NDUFAF5: variants seen among roughly 807,000 people sequenced by gnomAD.
NDUFAF5 encodes NADH:ubiquinone oxidoreductase complex assembly factor 5.
Under a neutral mutation model 48.9 loss-of-function variants are expected in NDUFAF5, and 34 were observed. The ratio of observed to expected loss-of-function variants is 0.70; its 90% CI spans 0.53 to 0.93. The LOEUF (loss-of-function observed/expected upper bound fraction) is 0.93, where lower values mean the gene tolerates loss of function less well. Among genes scored for constraint, NDUFAF5 ranks in the 40% least tolerant of loss-of-function variants. The probability of loss-of-function intolerance (pLI) is 0.00; values close to 1 mark genes in which losing one functional copy is unlikely to be tolerated. For synonymous variants in NDUFAF5, 153 were observed against 150.6 expected (o/e 1.02, Z -0.12); for missense variants, 428 against 427.5 (o/e 1.00, Z -0.01).
intron 8 of NDUFAF5, among the ~76,000 whole-genome samples, chr20:13,809,278 C>T (rs1474578548): frequency 6.6e-6 from 1 of 152,092 alleles, no homozygotes; most frequent in African/African-American, 2.4e-5. Flanking sequence ...AGCTGAGATA[C>T]AGGAATGAAG....
intron 8 of NDUFAF5, among the ~76,000 whole-genome samples, chr20:13,809,642 TA>T (rs918206221): frequency 2.6e-5 from 4 of 152,240 alleles, no homozygotes; most frequent in African/African-American, 9.6e-5. Context: ...GCCCTTATCT[TA>T]AAATGCCCCT....
In NDUFAF5 at chr20:13,785,152, A is replaced by G. The variant is rs1260209160; in HGVS notation, c.84A>G (p.Glu28=). Residue 28 remains glutamate (E), a synonymous_variant, in exon 1 of 11, where the codon GAA becomes GAG. Coordinates refer to ENST00000378106, the MANE Select transcript of NDUFAF5 (RefSeq NM_024120.5). ...RVPAENLGRR[E]VTSGVSPRGS... ...CAGCGGAGAATCTTGGCCGTAGGGA[A>G]GTCACCTCTGGTGTCTCTCCCCGCG... 6.2e-7 allele frequency: 1 copy of G among 1,614,046 alleles called. No homozygotes were observed. Among genetic ancestry groups the G allele is most frequent in the Admixed American group, 1.7e-5 (1 of 60,018 alleles).
intron 1 of NDUFAF5, 171 bp from the exon 2 acceptor site, chr20:13,787,141 A>G (rs753590074): frequency 1.4e-6 from 1 of 698,206 alleles, no homozygotes; most frequent in Non-Finnish European, 2.6e-6. Flanking sequence ...CTTCTGAAAT[A>G]ATTTGCCTCA....
chr20:13,796,698 C>T (rs962450983), intron 5 of NDUFAF5, among the ~76,000 whole-genome samples: 8 of 152,092 alleles, frequency 5.3e-5, no homozygotes, highest in Non-Finnish European at 1.2e-4. Context: ...AAATTCAAGG[C>T]CCGGGCACGG....
rs375461797 is a variant in NDUFAF5 at position 13,785,160 on chromosome 20, C to G, written c.92C>G (p.Ser31Cys). The G allele has an allele frequency of 6.2e-6, 10 of 1,613,900 alleles. No homozygotes were observed. The South Asian group carries it at 8.8e-5, about 14-fold the overall frequency. The change falls in exon 1 of 11, where the codon TCT becomes TGT. Residue 31 changes from serine to cysteine, a missense_variant. Ser to Cys is a moderately radical substitution (Grantham distance 112). Coordinates refer to ENST00000378106, the MANE Select transcript of NDUFAF5 (RefSeq NM_024120.5). ...AATCTTGGCCGTAGGGAAGTCACCTCTGGTGTCTCTCCCCGCGGTAGCACC... is the reference window on the plus strand; with the variant it reads ...AATCTTGGCCGTAGGGAAGTCACCTGTGGTGTCTCTCCCCGCGGTAGCACC... ...AENLGRREVTSGVSPRGSTSP... is the reference protein window; with the variant it reads ...AENLGRREVTCGVSPRGSTSP...
At chr20:13,797,740 G>A (rs1269235194) in intron 5 of NDUFAF5, among the ~76,000 whole-genome samples, 8 of 152,022 alleles carry the variant, frequency 5.3e-5, no homozygotes, top group Admixed American at 5.2e-4. Flanking sequence ...TGGACTTGGG[G>A]GATAATCACT....
chr20:13,819,864 T>C lies in NDUFAF5; in HGVS notation c.*2654T>C, dbSNP rs549139987. On this transcript the variant is annotated 3_prime_UTR_variant, in exon 11 of 11. Coordinates refer to ENST00000378106, the MANE Select transcript of NDUFAF5 (RefSeq NM_024120.5). ...GAGTCATTTCTTCTCTGTTTAGCTA[T>C]AAGATTAGAATTCATACTGAAAGAT... The C allele has an allele frequency of 1.3e-5, 2 of 152,348 alleles. No homozygotes were observed. The highest frequency in any genetic ancestry group is 1.9e-4 in the East Asian group (1 of 5,186). The allele number at this position is 152,348 out of a possible 1,614,324, so 9.4% of individuals were successfully genotyped here.
rs1981679916 is a variant in NDUFAF5, at chr20:13,788,796, A to G, written c.327+144A>G. On this transcript the variant is annotated intron_variant, in intron 3 of 10. Coordinates refer to ENST00000378106, the MANE Select transcript of NDUFAF5 (RefSeq NM_024120.5). Reference sequence around the variant, plus strand: ...TAATTTGTTTTTTTTTTTAAGTGGTAGAATCAATGGTGGTTTTCTCCCTTC... The same window carrying G: ...TAATTTGTTTTTTTTTTTAAGTGGTGGAATCAATGGTGGTTTTCTCCCTTC... 8 of 597,992 alleles carry G rather than the reference A, an allele frequency of 1.3e-5. No homozygotes were observed. In the South Asian group the frequency reaches 1.6e-4, roughly 12 times the overall value. The allele number at this position is 597,992 out of a possible 1,614,324, so 37.0% of individuals were successfully genotyped here. A position where few individuals can be genotyped will look rare whatever the true frequency, so the allele number is the denominator to read the frequency against.
chr20:13,795,644 T>G (rs1358452885), intron 5 of NDUFAF5, among the ~76,000 whole-genome samples: 2 of 152,006 alleles, frequency 1.3e-5, no homozygotes, highest in African/African-American at 4.8e-5. Context: ...CATAATGAAA[T>G]GCCATCTCTA....
At chr20:13,804,275 A>G (rs751955555) in intron 7 of NDUFAF5, among the ~76,000 whole-genome samples, 11 of 152,138 alleles carry the variant, frequency 7.2e-5, no homozygotes, top group South Asian at 2.1e-4. Flanking sequence ...TAAAAAGCCA[A>G]ATAGTATCTT....
At chr20:13,805,893 C>T (rs1030169598) in intron 7 of NDUFAF5, among the ~76,000 whole-genome samples, 1 of 152,074 alleles carries the variant, frequency 6.6e-6, no homozygotes, top group Non-Finnish European at 1.5e-5. Flanking sequence ...CACCACTGCA[C>T]TCCAGCCTGT....
rs752667747 is a variant in NDUFAF5 at position 13,801,661 on chromosome 20, C to T, written c.695C>T (p.Ala232Val). 1 of 1,613,912 alleles carries T rather than the reference C, an allele frequency of 6.2e-7. No individual in the cohort carries two copies. The highest frequency in any genetic ancestry group is 8.5e-7 in the Non-Finnish European group (1 of 1,179,928). Reference sequence around the variant, plus strand: ...GACCTGGGACATCTGCTTGGGAGAGCTGGCTTTAATACTCTGACTGTGGTA... The same window carrying T: ...GACCTGGGACATCTGCTTGGGAGAGTTGGCTTTAATACTCTGACTGTGGTA... Reference protein sequence around the residue: ...VNDLGHLLGRAGFNTLTVDTD... With the variant: ...VNDLGHLLGRVGFNTLTVDTD... Residue 232 changes from alanine (A) to valine (V), a missense_variant, in exon 7 of 11, where the codon GCT (alanine) becomes GTT (valine). Transcript: ENST00000378106.
chr20:13,788,143 A>G (rs1981528262), intron 2 of NDUFAF5, among the ~76,000 whole-genome samples: 1 of 152,148 alleles, frequency 6.6e-6, no homozygotes, highest in South Asian at 2.1e-4. Flanking sequence ...TTAAGTTCTT[A>G]TTTTTTAGTT....
intron 6 of NDUFAF5, among the ~76,000 whole-genome samples, chr20:13,800,843 G>A (rs1256787828): frequency 6.6e-6 from 1 of 152,192 alleles, no homozygotes; most frequent in Non-Finnish European, 1.5e-5. Flanking sequence ...GGAGCTAGCT[G>A]GTTTGGAGGG....
chr20:13,805,394 T>A (rs937858759), intron 7 of NDUFAF5, among the ~76,000 whole-genome samples: 1 of 152,228 alleles, frequency 6.6e-6, no homozygotes, highest in Non-Finnish European at 1.5e-5. Context: ...TTTAACCTGA[T>A]GTTAAAATGT....
At chr20:13,803,264 AC>A (rs1318462069) in intron 7 of NDUFAF5, 1 of 152,204 alleles carries the variant, frequency 6.6e-6, no homozygotes, top group Non-Finnish European at 1.5e-5. Flanking sequence ...CGGAGGCTTC[AC>A]ACCTGTGACT....
chr20:13,807,275 TG>T (rs1228069757), intron 7 of NDUFAF5, among the ~76,000 whole-genome samples: 1 of 152,034 alleles, frequency 6.6e-6, no homozygotes, highest in Non-Finnish European at 1.5e-5. Flanking sequence ...CTCGATCTCC[TG>T]ACCTCATGAT....
At chr20:13,788,734 T>G in intron 3 of NDUFAF5, 82 bp downstream of exon 3, 1 of 885,102 alleles carries the variant, frequency 1.1e-6, no homozygotes, top group East Asian at 2.5e-5. Flanking sequence ...TCAGTTTAGC[T>G]TGCAACATAT....
At chr20:13,814,267 G>A in intron 8 of NDUFAF5, 1 of 377,534 alleles carries the variant, frequency 2.6e-6, no homozygotes, top group South Asian at 2.0e-5. Flanking sequence ...ATGGAGGCAG[G>A]GAGACCGTGG....
Sources: gnomAD v4.1 joint callset for allele counts (sites outside exome capture counted in the v4.1 genomes callset) on GRCh38, gnomAD v4.1.1 for gene constraint, MANE v1.5 for transcripts, NCBI Gene and HGNC (gene_info 2026-07-23, HGNC 2026-07-21) for gene names.